Variants in PCDHGC5 observed in about 807,000 individuals in gnomAD.
The protein encoded by PCDHGC5 is protocadherin gamma subfamily C, 5.
PCDHGC5 carries 25 observed loss-of-function variants against 59.0 expected under a neutral mutation model. That is an observed-to-expected ratio of 0.42 (90% CI 0.31 to 0.59). PCDHGC5 has a LOEUF of 0.59. Among genes scored for constraint, PCDHGC5 ranks in the 20% least tolerant of loss-of-function variants. The pLI, the probability that PCDHGC5 is intolerant of heterozygous loss-of-function variation, is 0.13. For synonymous variants in PCDHGC5, 434 were observed against 505.5 expected (o/e 0.86, Z 1.90); for missense variants, 1,067 against 1,206.4 (o/e 0.88, Z 1.71).
Position 141,491,273 on chromosome 5 carries a change from G to A in PCDHGC5, c.2033G>A (p.Ser678Asn). ...GACCCTGAGGAAATGCCCAAATCCA[G>A]TGACTTCCTCATACACCCTCCTGAG... Reference protein sequence around the residue: ...DEDPEEMPKSSDFLIHPPERS... With the variant: ...DEDPEEMPKSNDFLIHPPERS... Residue 678 changes from serine to asparagine, a missense_variant, in exon 1 of 4, where the codon AGT (serine) becomes AAT (asparagine). Coordinates refer to ENST00000252087, the MANE Select transcript of PCDHGC5 (RefSeq NM_018929.3). This position sits in a 1 kb window ranked among gnomAD's most constrained non-coding sequence, Gnocchi z 6.9. The A allele has an allele frequency of 6.2e-7, 1 of 1,614,182 alleles. No individual in the cohort carries two copies. Among genetic ancestry groups the A allele is most frequent in the South Asian group, 1.1e-5 (1 of 91,082 alleles).
Position 141,491,686 on chromosome 5 carries a change from C to A in PCDHGC5, c.2446C>A (p.Arg816=). The A allele has an allele frequency of 6.2e-7, 1 of 1,612,970 alleles. No homozygotes were observed. The highest frequency in any genetic ancestry group is 8.5e-7 in the Non-Finnish European group (1 of 1,179,558). Reference sequence around the variant, plus strand: ...CATCCGGTCCCGCTCTAATACGCTGCGGGAGCGGAGCCAGGTGAGGGGCTC... The same window carrying A: ...CATCCGGTCCCGCTCTAATACGCTGAGGGAGCGGAGCCAGGTGAGGGGCTC... ...DAIRSRSNTL[R]ERSQQAPPNT... The change falls in exon 1 of 4, where the codon CGG becomes AGG. Residue 816 remains arginine, a synonymous_variant. Coordinates refer to ENST00000252087, the MANE Select transcript of PCDHGC5 (RefSeq NM_018929.3). The surrounding 1 kb of genome is among the most constrained non-coding windows in gnomAD (Gnocchi z 6.9).
chr5:141,489,271 G>A lies in PCDHGC5; in HGVS notation c.31G>A (p.Gly11Arg), dbSNP rs1431562179. The A allele has an allele frequency of 2.4e-5, 37 of 1,554,676 alleles. No individual in the cohort carries two copies. The highest frequency in any genetic ancestry group is 3.0e-5 in the Non-Finnish European group (35 of 1,150,770). ...GCCCAAGACACTCCCACAGCTCGCT[G>A]GGAAATGGCAAGTGCTGTGCATGTT... MGPKTLPQLAGKWQVLCMLSL... is the reference protein window; with the variant it reads MGPKTLPQLARKWQVLCMLSL... Residue 11 changes from glycine to arginine, a missense_variant, in exon 1 of 4, where the codon GGG (glycine) becomes AGG (arginine). Physicochemically the swap from Gly to Arg is moderately radical, Grantham distance 125. Transcript: ENST00000252087. The surrounding 1 kb of genome is among the most constrained non-coding windows in gnomAD (Gnocchi z 4.5).
intron 2 of PCDHGC5, among the ~76,000 whole-genome samples, chr5:141,500,189 TTTATTTA>T (rs1562193869): frequency 4.5e-5 from 5 of 110,894 alleles, no homozygotes; most frequent in African/African-American, 1.8e-4. Context: ...TTTATTTTTA[TTTATTTA>T]TTTATTTATT....
In PCDHGC5 at chr5:141,502,866, C is replaced by CTTTTTTTTTTTT. The variant is rs549047197; in HGVS notation, c.2520-2524_2520-2513dup. 2.4e-4 allele frequency among the ~76,000 whole-genome samples: 31 copies of CTTTTTTTTTTTT among 128,008 alleles called. 3 individuals are homozygous for CTTTTTTTTTTTT. Among genetic ancestry groups the CTTTTTTTTTTTT allele is most frequent in the African/African-American group, 3.4e-4 (11 of 32,350 alleles). 84.0% of individuals were successfully genotyped at this position (128,008 alleles called of 152,430 possible). ...GAGCTGCCTAACCCTGACTCTCTGT[C>CTTTTTTTTTTTT]TTTTTTTTTTTTTTGACAGGGAGTC... is the stretch of plus-strand genomic sequence containing the variant. On this transcript the variant is annotated intron_variant, in intron 2 of 3. Transcript: ENST00000252087.
intron 2 of PCDHGC5, among the ~76,000 whole-genome samples, chr5:141,499,099 C>T (rs1031964059): frequency 1.3e-5 from 2 of 152,156 alleles, no homozygotes; most frequent in Non-Finnish European, 2.9e-5. Context: ...ACATGCTTCT[C>T]CTCCCCACCA....
chr5:141,490,061 A>T lies in PCDHGC5; in HGVS notation c.821A>T (p.Asn274Ile). The stretch of plus-strand genomic sequence containing the variant: ...GCCACTGATCCAGACGAGGGCACCA[A>T]CGGCCAACTAGACTATTCTTTTGGA... ...LNATDPDEGT[N>I]GQLDYSFGDH... Residue 274 changes from asparagine to isoleucine, a missense_variant, in exon 1 of 4, where the codon AAC becomes ATC. Transcript: ENST00000252087. This position sits in a 1 kb window ranked among gnomAD's most constrained non-coding sequence, Gnocchi z 5.4. 1 of 1,614,214 alleles carries T rather than the reference A, an allele frequency of 6.2e-7. No homozygotes were observed. The highest frequency in any genetic ancestry group is 8.5e-7 in the Non-Finnish European group (1 of 1,180,030).
rs779292483 is a variant in PCDHGC5 at position 141,491,102 on chromosome 5, T to C, written c.1862T>C (p.Val621Ala). The C allele has an allele frequency of 6.2e-7, 1 of 1,614,152 alleles. No individual in the cohort carries two copies. Among genetic ancestry groups the C allele is most frequent in the Non-Finnish European group, 8.5e-7 (1 of 1,180,006 alleles). ...TCCACAGCCCCAGGACTGTTCCTCG[T>C]GTCTACACACACTGGTGAGGTGCGC... ...PQSTAPGLFL[V>A]STHTGEVRTA... Residue 621 changes from valine to alanine, a missense_variant, in exon 1 of 4, where the codon GTG becomes GCG. Physicochemically the swap from Val to Ala is moderately conservative, Grantham distance 64. Transcript: ENST00000252087. This position sits in a 1 kb window ranked among gnomAD's most constrained non-coding sequence, Gnocchi z 6.9.
chr5:141,505,345 G>A (rs776607130), intron 2 of PCDHGC5, 48 bp from the exon 3 acceptor site: 13 of 1,613,086 alleles, frequency 8.1e-6, no homozygotes, highest in Non-Finnish European at 1.1e-5. Flanking sequence ...AGGGGCATGA[G>A]CTGTGCCGGC....
chr5:141,494,194 G>A (rs1446357035), intron 1 of PCDHGC5, among the ~76,000 whole-genome samples: 2 of 152,182 alleles, frequency 1.3e-5, no homozygotes, highest in Non-Finnish European at 2.9e-5. Flanking sequence ...GGACTTGGAT[G>A]CCCCGCAAAG....
rs762312563 is a variant in PCDHGC5 at position 141,493,182 on chromosome 5, A to G, written c.2460+1482A>G. Among the ~76,000 whole-genome samples, 1 of 152,232 alleles carries G rather than the reference A, an allele frequency of 6.6e-6. No homozygotes were observed. The highest frequency in any genetic ancestry group is 2.4e-5 in the African/African-American group (1 of 41,460). The stretch of plus-strand genomic sequence containing the variant: ...TAGCTGATTGAGAGAAACTTACTAT[A>G]TAACTCCTTTGAGAACCTCATCTCA... On this transcript the variant is annotated intron_variant, in intron 1 of 3. Coordinates refer to ENST00000252087, the MANE Select transcript of PCDHGC5 (RefSeq NM_018929.3). The surrounding 1 kb of genome is among the most constrained non-coding windows in gnomAD (Gnocchi z 4.3).
Position 141,489,343 on chromosome 5 carries a change from G to A in PCDHGC5, c.103G>A (p.Val35Met), listed in dbSNP as rs377697321. Residue 35 changes from valine to methionine, a missense_variant, in exon 1 of 4, where the codon GTG becomes ATG. Val to Met is a conservative substitution (Grantham distance 21). Coordinates refer to ENST00000252087, the MANE Select transcript of PCDHGC5 (RefSeq NM_018929.3). This position sits in a 1 kb window ranked among gnomAD's most constrained non-coding sequence, Gnocchi z 4.5. ...GGTGTCTGGGCAGCTTCGTTACTCA[G>A]TGGTGGAGGAGTCTGAGCCGGGGAC... ...GWVSGQLRYS[V>M]VEESEPGTLV... The A allele has an allele frequency of 5.6e-6, 9 of 1,611,264 alleles. No individual in the cohort carries two copies. Among genetic ancestry groups the A allele is most frequent in the Non-Finnish European group, 7.6e-6 (9 of 1,178,202 alleles).
In PCDHGC5 at chr5:141,490,309, A is replaced by G. The variant is rs1485303337; in HGVS notation, c.1069A>G (p.Asn357Asp). Residue 357 changes from asparagine (N) to aspartate (D), a missense_variant, in exon 1 of 4, where the codon AAC (asparagine) becomes GAC (aspartate). Asn to Asp is a conservative substitution (Grantham distance 23, BLOSUM62 1). Transcript: ENST00000252087. The surrounding 1 kb of genome is among the most constrained non-coding windows in gnomAD (Gnocchi z 5.4). ...APEVLLASLA[N>D]PVLESTPVGT... ...AGAGGTGCTATTGGCCTCTTTGGCCAACCCTGTCCTAGAGAGCACACCAGT... is the reference window on the plus strand; with the variant it reads ...AGAGGTGCTATTGGCCTCTTTGGCCGACCCTGTCCTAGAGAGCACACCAGT... The G allele has an allele frequency of 2.8e-5, 46 of 1,614,126 alleles. No homozygotes were observed. Among genetic ancestry groups the G allele is most frequent in the Non-Finnish European group, 3.8e-5 (45 of 1,180,056 alleles).
Position 141,489,169 on chromosome 5 carries a change from C to T in PCDHGC5, c.-72C>T. On this transcript the variant is annotated 5_prime_UTR_variant, in exon 1 of 4. Coordinates refer to ENST00000252087, the MANE Select transcript of PCDHGC5 (RefSeq NM_018929.3). This position sits in a 1 kb window ranked among gnomAD's most constrained non-coding sequence, Gnocchi z 4.5. ...GAGACATAAGAGACTTCAGCTGCTG[C>T]ATTCCAAGCCCTGGGTCTACCTTGG... 3 of 1,124,648 alleles carry T rather than the reference C, an allele frequency of 2.7e-6. No individual in the cohort carries two copies. The highest frequency in any genetic ancestry group is 3.8e-6 in the Non-Finnish European group (3 of 783,910). The allele number at this position is 1,124,648 out of a possible 1,614,324, so 69.7% of individuals were successfully genotyped here. A position where few individuals can be genotyped will look rare whatever the true frequency, so the allele number is the denominator to read the frequency against.
rs994009107 is a variant in PCDHGC5 at position 141,490,364 on chromosome 5, G to A, written c.1124G>A (p.Arg375Gln). ...ACAGTAGTGGGGTTGTTTAATGTGC[G>A]AGACCGGGACTCAGGTAGAAATGGT... The part of the protein sequence containing the change: ...VGTVVGLFNV[R>Q]DRDSGRNGEV... Residue 375 changes from arginine (R) to glutamine (Q), a missense_variant, in exon 1 of 4, where the codon CGA becomes CAA. Transcript: ENST00000252087. The surrounding 1 kb of genome is among the most constrained non-coding windows in gnomAD (Gnocchi z 5.4). 7 of 1,614,056 alleles carry A rather than the reference G, an allele frequency of 4.3e-6. No individual in the cohort carries two copies. In the African/African-American group the frequency reaches 5.3e-5, roughly 12 times the overall value.
At chr5:141,503,229 T>C (rs986982708) in intron 2 of PCDHGC5, among the ~76,000 whole-genome samples, 1 of 152,080 alleles carries the variant, frequency 6.6e-6, no homozygotes, top group African/African-American at 2.4e-5. Context: ...ACCGTAAAGA[T>C]GGACAGTTTC....
chr5:141,494,100 G>A (rs559145191), intron 1 of PCDHGC5, among the ~76,000 whole-genome samples: 7 of 152,270 alleles, frequency 4.6e-5, no homozygotes, highest in South Asian at 2.1e-4. Flanking sequence ...ATTTTTCTCC[G>A]TCTCAGACAG....
Position 141,491,757 on chromosome 5 carries a change from C to G in PCDHGC5, c.2460+57C>G. ...CTGGGGGCGGCACTGGAGAAGCCGC[C>G]CGTCCTCATAAGGGATTGAACTTGC... On this transcript the variant is annotated intron_variant, in intron 1 of 3. Coordinates refer to ENST00000252087, the MANE Select transcript of PCDHGC5 (RefSeq NM_018929.3). This position sits in a 1 kb window ranked among gnomAD's most constrained non-coding sequence, Gnocchi z 6.9. 1 of 1,580,374 alleles carries G rather than the reference C, an allele frequency of 6.3e-7. No individual in the cohort carries two copies. The highest frequency in any genetic ancestry group is 1.9e-5 in the Admixed American group (1 of 53,534).
rs2099884159 is a variant in PCDHGC5 at position 141,512,278 on chromosome 5, G to A, written c.*1105G>A. 6.5e-6 allele frequency: 1 copy of A among 152,812 alleles called. No homozygotes were observed. Among genetic ancestry groups the A allele is most frequent in the Non-Finnish European group, 1.5e-5 (1 of 68,170 alleles). 9.5% of individuals were successfully genotyped at this position (152,812 alleles called of 1,614,324 possible). A position where few individuals can be genotyped will look rare whatever the true frequency, so the allele number is the denominator to read the frequency against. ...TGCTGGGTACTCCAGAGGTGCCACT[G>A]GTGGAAGGGTCAGCGGAGCCCCAGC... On this transcript the variant is annotated 3_prime_UTR_variant, in exon 4 of 4. Coordinates refer to ENST00000252087, the MANE Select transcript of PCDHGC5 (RefSeq NM_018929.3).
chr5:141,506,380 TG>T (rs2099852860), intron 3 of PCDHGC5, among the ~76,000 whole-genome samples: 1 of 141,314 alleles, frequency 7.1e-6, no homozygotes, highest in Non-Finnish European at 1.5e-5. Flanking sequence ...ACCTGGGAGG[TG>T]GCTGTGGTGA....
Sources: gnomAD v4.1 joint callset for allele counts (sites outside exome capture counted in the v4.1 genomes callset) on GRCh38, gnomAD v4.1.1 for gene constraint, Gnocchi (gnomAD v3.1) non-coding constraint, MANE v1.5 for transcripts, NCBI Gene and HGNC (gene_info 2026-07-23, HGNC 2026-07-21) for gene names.